The following KCNN2 variants were observed in gnomAD, a reference collection of about 807,000 sequenced individuals.
KCNN2 encodes potassium calcium-activated channel subfamily N member 2.
In KCNN2, 24 loss-of-function variants were observed where a neutral mutation model predicts 55.5. The ratio of observed to expected loss-of-function variants is 0.43; its 90% CI spans 0.31 to 0.61. The LOEUF is 0.61. Among genes scored for constraint, KCNN2 ranks in the 20% least tolerant of loss-of-function variants. The pLI is 0.08. For missense variants in KCNN2, 754 were observed against 853.6 expected, an observed-to-expected ratio of 0.88 and a Z score of 1.45; for synonymous variants, 431 against 336.1, an observed-to-expected ratio of 1.28 and a Z score of -3.09.
Position 114,495,994 on chromosome 5 carries a change from A to G in KCNN2, c.2188A>G (p.Ile730Val), listed in dbSNP as rs776751240. ...CCTGGAAACAAAACTAGAGACTTTGATTGGTAGCATCCACGCCCTCCCTGG... is the reference window on the plus strand; with the variant it reads ...CCTGGAAACAAAACTAGAGACTTTGGTTGGTAGCATCCACGCCCTCCCTGG... ...VTLETKLETLIGSIHALPGLI... is the reference protein window; with the variant it reads ...VTLETKLETLVGSIHALPGLI... The change falls in exon 8 of 8, where the codon ATT (isoleucine) becomes GTT (valine). Residue 730 changes from isoleucine (I) to valine (V), a missense_variant. This residue lies in a region of KCNN2 where 164 missense variants were observed against 156.6 expected (regional missense o/e 1.05). Coordinates refer to ENST00000673685, the MANE Select transcript of KCNN2 (RefSeq NM_021614.4). The G allele has an allele frequency of 2.5e-6, 4 of 1,613,956 alleles. No individual in the cohort carries two copies. The African/African-American group carries it at 4.0e-5, about 16-fold the overall frequency.
At chr5:114,153,889 T>A (rs538354688) in intron 1 of KCNN2, among the ~76,000 whole-genome samples, 1 of 152,240 alleles carries the variant, frequency 6.6e-6, no homozygotes, top group Non-Finnish European at 1.5e-5. Flanking sequence ...GGAGGTTTAG[T>A]TGGTCTTGTT....
intron 2 of KCNN2, among the ~76,000 whole-genome samples, chr5:114,258,514 T>C (rs1035617086): frequency 6.6e-6 from 1 of 152,178 alleles, no homozygotes; most frequent in South Asian, 2.1e-4. Flanking sequence ...TGATTCAGTC[T>C]CACTACTCAT....
chr5:114,474,377 C>T (rs1347884244), intron 5 of KCNN2, among the ~76,000 whole-genome samples: 2 of 152,086 alleles, frequency 1.3e-5, no homozygotes, highest in Non-Finnish European at 2.9e-5. Context: ...ATGGTCAGAG[C>T]CTCCCAGGTT....
At chr5:114,297,073 T>G (rs544280491) in intron 2 of KCNN2, among the ~76,000 whole-genome samples, 9 of 152,310 alleles carry the variant, frequency 5.9e-5, no homozygotes, top group African/African-American at 1.9e-4. Flanking sequence ...ATAACTAATT[T>G]GTCATTTCTG....
chr5:114,477,218 A>G (rs1019130782), intron 5 of KCNN2, among the ~76,000 whole-genome samples: 2 of 152,210 alleles, frequency 1.3e-5, no homozygotes, highest in Admixed American at 1.3e-4. Flanking sequence ...GACTCTAAAG[A>G]AAAAAGCAAT....
At chr5:114,135,782 A>G (rs1752162922) in intron 1 of KCNN2, among the ~76,000 whole-genome samples, 1 of 152,248 alleles carries the variant, frequency 6.6e-6, no homozygotes, top group Non-Finnish European at 1.5e-5. Context: ...AATATGGATT[A>G]TTAATATTCT....
chr5:114,404,463 A>T lies in KCNN2; in HGVS notation c.1244A>T (p.Asp415Val). 1 of 1,613,390 alleles carries T rather than the reference A, an allele frequency of 6.2e-7. No homozygotes were observed. The highest frequency in any genetic ancestry group is 8.5e-7 in the Non-Finnish European group (1 of 1,179,824). Reference sequence around the variant, plus strand: ...TTGTTCATGGTGGACAATGGAGCAGATGACTGGAGAATAGCCATGACTTAT... The same window carrying T: ...TTGTTCATGGTGGACAATGGAGCAGTTGACTGGAGAATAGCCATGACTTAT... ...IQLFMVDNGA[D>V]DWRIAMTYER... The change falls in exon 3 of 8, where the codon GAT (aspartate) becomes GTT (valine). Residue 415 changes from aspartate to valine, a missense_variant. Asp to Val is a radical substitution (Grantham distance 152). This residue lies in a region of KCNN2 where 123 missense variants were observed against 204.9 expected (regional missense o/e 0.60). Transcript: ENST00000673685.
intron 3 of KCNN2, among the ~76,000 whole-genome samples, chr5:114,426,505 G>T (rs1204769990): frequency 4.6e-5 from 7 of 152,186 alleles, no homozygotes; most frequent in Non-Finnish European, 7.3e-5. Flanking sequence ...TTGACTCAGA[G>T]AATTAATTAA....
rs552447447 is a variant in KCNN2 at position 114,140,152 on chromosome 5, T to C, written c.-270-81328T>C. The stretch of plus-strand genomic sequence containing the variant: ...TTAAAAGTTTTAATTTTCTACATGG[T>C]AAATAATAGTAGATATAACCTATAT... On this transcript the variant is annotated intron_variant, in intron 1 of 10. Coordinates refer to the KCNN2 transcript ENST00000512097. Among the ~76,000 whole-genome samples, 195 of 152,342 alleles carry C rather than the reference T, an allele frequency of 1.3e-3. 1 individual carries two copies. The highest frequency in any genetic ancestry group is 1.0e-4 in the Non-Finnish European group (7 of 68,036).
At chr5:114,432,848 T>C (rs1188123913) in intron 3 of KCNN2, among the ~76,000 whole-genome samples, 1 of 152,224 alleles carries the variant, frequency 6.6e-6, no homozygotes, top group Non-Finnish European at 1.5e-5. Context: ...GTGGTTGTAC[T>C]GGGTCCCCCA....
rs1748125208 is a variant in KCNN2 at position 114,496,360 on chromosome 5, C to G, written c.*178C>G. The G allele has an allele frequency of 6.4e-6, 4 of 623,438 alleles. No individual in the cohort carries two copies. The Admixed American group carries it at 9.1e-5, about 14-fold the overall frequency. 38.6% of individuals were successfully genotyped at this position (623,438 alleles called of 1,614,324 possible). ...GAGTGAAAACTCTTTTTTTTTCTTTCAGATGCACAGGGAATGCACCTATTA... is the reference window on the plus strand; with the variant it reads ...GAGTGAAAACTCTTTTTTTTTCTTTGAGATGCACAGGGAATGCACCTATTA... On this transcript the variant is annotated 3_prime_UTR_variant, in exon 8 of 8. Transcript: ENST00000673685.
intron 2 of KCNN2, among the ~76,000 whole-genome samples, chr5:114,270,733 C>T (rs563755932): frequency 6.6e-6 from 1 of 152,300 alleles, no homozygotes; most frequent in South Asian, 2.1e-4. Flanking sequence ...ATTACTATGT[C>T]CGGAATTGGT....
intron 1 of KCNN2, among the ~76,000 whole-genome samples, chr5:114,197,512 TTG>T (rs1452825524): frequency 2.0e-5 from 3 of 152,184 alleles, no homozygotes; most frequent in Non-Finnish European, 4.4e-5. Flanking sequence ...ATTGTGGAAA[TTG>T]TGTCCAATGA....
At chr5:114,093,409 C>G (rs1384933330) in intron 1 of KCNN2, among the ~76,000 whole-genome samples, 1 of 152,230 alleles carries the variant, frequency 6.6e-6, no homozygotes, top group Non-Finnish European at 1.5e-5. Flanking sequence ...GCCCTCCAAA[C>G]TGTTCCAGCC....
intron 1 of KCNN2, among the ~76,000 whole-genome samples, chr5:114,129,559 A>C (rs1306151084): frequency 6.6e-6 from 1 of 152,226 alleles, no homozygotes; most frequent in African/African-American, 2.4e-5. Flanking sequence ...TGAACCATCC[A>C]TTCCATGTTC....
At chr5:114,473,030 T>C (rs1325247821) in intron 4 of KCNN2, 24 bp from the exon 5 acceptor site, 1 of 1,472,114 alleles carries the variant, frequency 6.8e-7, no homozygotes, top group Non-Finnish European at 9.4e-7. Flanking sequence ...ATGCTTTGGG[T>C]TTCTCTTCTC....
intron 2 of KCNN2, among the ~76,000 whole-genome samples, chr5:114,340,653 GGTGTGTGTGTGTGCATGTGTGTGTGTGT>G (rs1251950076): frequency 2.3e-4 from 26 of 113,938 alleles, no homozygotes; most frequent in African/African-American, 7.2e-4. Context: ...ACACCATTAT[GGTGTGTGTGTGTGCATGTGTGTGTGTGT>G]GTGTGTGTGT....
chr5:114,226,801 T>TG (rs1213501514), intron 2 of KCNN2, among the ~76,000 whole-genome samples: 1 of 149,306 alleles, frequency 6.7e-6, no homozygotes, highest in Admixed American at 6.8e-5. Flanking sequence ...CTTGGGAGGC[T>TG]GAGGCAGGAG....
At chr5:114,302,376 T>C (rs1268454730) in intron 2 of KCNN2, among the ~76,000 whole-genome samples, 1 of 152,194 alleles carries the variant, frequency 6.6e-6, no homozygotes, top group Non-Finnish European at 1.5e-5. Context: ...ATATTCAAGG[T>C]ATTGTATTAG....
Sources: allele counts gnomAD v4.1 joint callset (sites outside exome capture counted in the v4.1 genomes callset), GRCh38; gene constraint gnomAD v4.1.1; regional missense constraint gnomAD v4.1.1; transcripts MANE v1.5; gene names NCBI Gene and HGNC (gene_info 2026-07-23, HGNC 2026-07-21).